The following ZNF385D variants were observed in gnomAD, a reference collection of about 807,000 sequenced individuals.
ZNF385D encodes the protein zinc finger protein 659.
Under a neutral mutation model 35.8 loss-of-function variants are expected in ZNF385D, and 15 were observed. The observed-to-expected ratio is 0.42, with a 90% CI of 0.28 to 0.64. The LOEUF (loss-of-function observed/expected upper bound fraction) is 0.64. Among genes scored for constraint, ZNF385D ranks in the 30% least tolerant of loss-of-function variants. The probability of loss-of-function intolerance (pLI) is 0.23; values close to 1 mark genes in which losing one functional copy is unlikely to be tolerated. For missense variants in ZNF385D, 474 were observed against 494.6 expected, an observed-to-expected ratio of 0.96 and a Z score of 0.39; for synonymous variants, 212 against 186.8, an observed-to-expected ratio of 1.13 and a Z score of -1.10.
chr3:22,192,062 T>C (rs544327036), intron 2 of ZNF385D, among the ~76,000 whole-genome samples: 70 of 152,274 alleles, frequency 4.6e-4, no homozygotes, highest in African/African-American at 1.6e-3. Flanking sequence ...TCTTTCTCCA[T>C]CCCACTTACT....
intron 3 of ZNF385D, among the ~76,000 whole-genome samples, chr3:22,096,400 C>T (rs1477474290): frequency 6.6e-6 from 1 of 151,772 alleles, no homozygotes; most frequent in Non-Finnish European, 1.5e-5. Flanking sequence ...TTAAATAGGG[C>T]TTCTTGAATT....
At chr3:21,594,419 G>A (rs1239548705) in intron 2 of ZNF385D, among the ~76,000 whole-genome samples, 1 of 152,160 alleles carries the variant, frequency 6.6e-6, no homozygotes, top group Non-Finnish European at 1.5e-5. Context: ...TAGTACACTT[G>A]AGGAGGAGCA....
At position 21,539,761 on chromosome 3, in the gene ZNF385D, T is replaced by C. The variant is rs115183963; in HGVS notation, c.276+24813A>G. On this transcript the variant is annotated intron_variant, in intron 3 of 7. Transcript: ENST00000281523. This position sits in a 1 kb window ranked among gnomAD's most constrained non-coding sequence, Gnocchi z 4.0. ...GTTCTACCATGATAATGTTTTATCA[T>C]TGTTATAGTAACTTTTCTGATAATG... 2.8e-3 allele frequency among the ~76,000 whole-genome samples: 425 copies of C among 152,314 alleles called. 2 individuals are homozygous for C. Among genetic ancestry groups the C allele is most frequent in the African/African-American group, 9.7e-3 (404 of 41,596 alleles).
chr3:22,292,829 A>C (rs1344505273), intron 2 of ZNF385D, among the ~76,000 whole-genome samples: 1 of 152,128 alleles, frequency 6.6e-6, no homozygotes, highest in Non-Finnish European at 1.5e-5. Flanking sequence ...AAAATTCTAT[A>C]GTGACAGAAA....
At chr3:22,172,361 A>C (rs1174338997) in intron 2 of ZNF385D, among the ~76,000 whole-genome samples, 1 of 152,256 alleles carries the variant, frequency 6.6e-6, no homozygotes, top group African/African-American at 2.4e-5. Flanking sequence ...TGTGGCACAC[A>C]TAAGATGACT....
At chr3:21,793,056 G>A (rs1017831453) in intron 3 of ZNF385D, among the ~76,000 whole-genome samples, 1 of 152,092 alleles carries the variant, frequency 6.6e-6, no homozygotes, top group African/African-American at 2.4e-5. Flanking sequence ...AGAACACATA[G>A]CCACCATAGT....
At chr3:22,138,975 AAAAC>A (rs1401402776) in intron 3 of ZNF385D, among the ~76,000 whole-genome samples, 3 of 152,324 alleles carry the variant, frequency 2.0e-5, no homozygotes, top group Non-Finnish European at 2.9e-5. Context: ...TTACAAGAAA[AAAAC>A]AAACAACCCC....
At chr3:22,074,481 G>C (rs115636222) in intron 3 of ZNF385D, among the ~76,000 whole-genome samples, 1 of 151,854 alleles carries the variant, frequency 6.6e-6, no homozygotes, top group African/African-American at 2.4e-5. Context: ...AGTTGAACAT[G>C]AATCTTGCAT....
chr3:22,008,620 T>TG (rs1343619007), intron 3 of ZNF385D, among the ~76,000 whole-genome samples: 2 of 152,142 alleles, frequency 1.3e-5, no homozygotes, highest in African/African-American at 4.8e-5. Context: ...CCTCCCAAAG[T>TG]GCTGGGATTA....
chr3:22,135,151 CAAGAA>C (rs573028135), intron 3 of ZNF385D, among the ~76,000 whole-genome samples: 192 of 152,120 alleles, frequency 1.3e-3, no homozygotes, highest in African/African-American at 4.2e-3. Flanking sequence ...TATAAAGAAG[CAAGAA>C]AAGAAAAGAC....
intron 1 of ZNF385D, among the ~76,000 whole-genome samples, chr3:21,703,887 TAC>T (rs2067796396): frequency 6.6e-6 from 1 of 152,200 alleles, no homozygotes. Flanking sequence ...CCCTACACCA[TAC>T]ACTCTAGCAC....
rs913632373 is a variant in ZNF385D, at chr3:21,940,359, G to T, written c.325+228458C>A. Among the ~76,000 whole-genome samples, 20 of 152,236 alleles carry T rather than the reference G, an allele frequency of 1.3e-4. No homozygotes were observed. The South Asian group carries it at 3.9e-3, about 30-fold the overall frequency. On this transcript the variant is annotated intron_variant, in intron 3 of 5. Transcript: ENST00000494108. Reference sequence around the variant, plus strand: ...GTTGCTTACTCCCCATGTATCTCACGTTCTTCGTCTGTCAAATGGGAAAAA... The same window carrying T: ...GTTGCTTACTCCCCATGTATCTCACTTTCTTCGTCTGTCAAATGGGAAAAA...
intron 2 of ZNF385D, among the ~76,000 whole-genome samples, chr3:22,355,044 A>G (rs1012701790): frequency 3.9e-5 from 6 of 152,066 alleles, no homozygotes; most frequent in Non-Finnish European, 8.8e-5. Flanking sequence ...AATTGAAATT[A>G]TACATTTGTT....
intron 3 of ZNF385D, among the ~76,000 whole-genome samples, chr3:21,916,681 C>G (rs780423390): frequency 3.3e-5 from 5 of 152,200 alleles, no homozygotes; most frequent in Non-Finnish European, 5.9e-5. Flanking sequence ...ACAAAAGACA[C>G]TTGAATTAAT....
At chr3:21,874,109 A>G (rs1443660594) in intron 3 of ZNF385D, among the ~76,000 whole-genome samples, 1 of 151,980 alleles carries the variant, frequency 6.6e-6, no homozygotes, top group Non-Finnish European at 1.5e-5. Flanking sequence ...CATTCTCACC[A>G]ACAGCACACA....
In ZNF385D at chr3:22,150,362, T is replaced by C. The variant is rs998473411; in HGVS notation, c.325+18455A>G. 3.9e-5 allele frequency among the ~76,000 whole-genome samples: 6 copies of C among 152,132 alleles called. 1 individual carries two copies. The highest frequency in any genetic ancestry group is 1.4e-4 in the African/African-American group (6 of 41,436). On this transcript the variant is annotated intron_variant, in intron 3 of 5. Transcript: ENST00000494108. Reference sequence around the variant, plus strand: ...TAGTTTTGCTTTATTTATATAAACATTCTTCAGTGAGAAAGAGCTGTATTC... The same window carrying C: ...TAGTTTTGCTTTATTTATATAAACACTCTTCAGTGAGAAAGAGCTGTATTC...
chr3:22,006,492 G>T (rs1696211358), intron 3 of ZNF385D, among the ~76,000 whole-genome samples: 1 of 151,922 alleles, frequency 6.6e-6, no homozygotes, highest in Non-Finnish European at 1.5e-5. Context: ...AAATGATTTG[G>T]AATAATTATC....
intron 3 of ZNF385D, among the ~76,000 whole-genome samples, chr3:22,083,055 A>G (rs1453128194): frequency 6.6e-6 from 1 of 152,212 alleles, no homozygotes; most frequent in Non-Finnish European, 1.5e-5. Flanking sequence ...GGACATTCAC[A>G]CCAAATCCTC....
Position 22,170,115 on chromosome 3 carries a change from C to T in ZNF385D, c.107-1080G>A, listed in dbSNP as rs139609157. On this transcript the variant is annotated intron_variant, in intron 2 of 5. Transcript: ENST00000494108. ...ATGGTCCAGATAGGAGTTCTCCATT[C>T]CAATTCTCCCAGTTCTTTAAGGAGT... 3.5e-3 allele frequency among the ~76,000 whole-genome samples: 528 copies of T among 152,280 alleles called. 5 individuals are homozygous for T. Among genetic ancestry groups the T allele is most frequent in the African/African-American group, 0.012 (508 of 41,542 alleles).
Sources: allele counts gnomAD v4.1 joint callset (sites outside exome capture counted in the v4.1 genomes callset), GRCh38; gene constraint gnomAD v4.1.1; non-coding constraint Gnocchi (gnomAD v3.1); transcripts MANE v1.5; gene names NCBI Gene and HGNC (gene_info 2026-07-23, HGNC 2026-07-21).